Variants in TAMM41 observed in about 807,000 individuals in gnomAD.
TAMM41 encodes the protein phosphatidate cytidylyltransferase, mitochondrial.
A neutral mutation model predicts 44.1 loss-of-function variants in TAMM41; 36 were observed. That is an observed-to-expected ratio of 0.82 (90% CI 0.63 to 1.08). The LOEUF is 1.08. TAMM41 is among the 50% of genes least tolerant of loss of function. The pLI, the probability that TAMM41 is intolerant of heterozygous loss-of-function variation, is 0.00. For missense variants in TAMM41, 417 were observed against 404.3 expected (o/e 1.03, Z -0.27); for synonymous variants, 164 against 153.1 (o/e 1.07, Z -0.53).
At chr3:11,838,380 T>C (rs535140758) in intron 3 of TAMM41, among the ~76,000 whole-genome samples, 2 of 152,124 alleles carry the variant, frequency 1.3e-5, no homozygotes, top group South Asian at 4.2e-4. Context: ...CACGCCCAGG[T>C]ACCTTTTTTG....
intron 2 of TAMM41, among the ~76,000 whole-genome samples, chr3:11,839,844 T>G (rs2079355771): frequency 6.6e-6 from 1 of 152,188 alleles, no homozygotes; most frequent in African/African-American, 2.4e-5. Flanking sequence ...GTCTTACTGC[T>G]CAGGAGACAT....
At chr3:11,808,139 T>C in intron 6 of TAMM41, 1 of 977,940 alleles carries the variant, frequency 1.0e-6, no homozygotes. Flanking sequence ...AACAGCTCTG[T>C]GCCTCTTCCC....
the TAMM41 span, among the ~76,000 whole-genome samples, chr3:11,723,868 A>G: frequency 1.3e-5 from 2 of 152,008 alleles, no homozygotes; most frequent in Non-Finnish European, 2.9e-5. Flanking sequence ...CCAGAAGTGT[A>G]TTTTAAAAAC....
intron 4 of TAMM41, among the ~76,000 whole-genome samples, chr3:11,823,376 T>C (rs1477447707): frequency 1.4e-5 from 2 of 147,256 alleles, no homozygotes; most frequent in African/African-American, 2.5e-5. Flanking sequence ...CTGCCTCAGC[T>C]TCCCAAGTAA....
At chr3:11,755,545 G>A in the TAMM41 span, among the ~76,000 whole-genome samples, 4 of 152,192 alleles carry the variant, frequency 2.6e-5, no homozygotes. Flanking sequence ...ATTCACACGA[G>A]GAGAACTGCT....
chr3:11,730,324 G>T, the TAMM41 span, among the ~76,000 whole-genome samples: 1 of 151,758 alleles, frequency 6.6e-6, no homozygotes, highest in Non-Finnish European at 1.5e-5. Flanking sequence ...TGGAGGCTGA[G>T]GCAGAGAATA....
intron 7 of TAMM41, among the ~76,000 whole-genome samples, chr3:11,802,986 A>G (rs2077796658): frequency 6.6e-6 from 1 of 152,318 alleles, no homozygotes; most frequent in East Asian, 1.9e-4. Context: ...AAAAGCATTC[A>G]ATAGCCTGGG....
the TAMM41 span, among the ~76,000 whole-genome samples, chr3:11,781,701 C>T: frequency 1.3e-5 from 2 of 151,298 alleles, no homozygotes; most frequent in Non-Finnish European, 2.9e-5. Context: ...TACCACTACA[C>T]TCCAGCCTGG....
the TAMM41 span, among the ~76,000 whole-genome samples, chr3:11,762,455 T>A: frequency 6.6e-6 from 1 of 152,140 alleles, no homozygotes; most frequent in Non-Finnish European, 1.5e-5. Context: ...AGTATGCCGA[T>A]GGATGAATAC....
At chr3:11,722,376 AG>A in the TAMM41 span, among the ~76,000 whole-genome samples, 26 of 152,218 alleles carry the variant, frequency 1.7e-4, no homozygotes, top group African/African-American at 5.8e-4. Flanking sequence ...TGTAAGAAAA[AG>A]GGGGGTTGTT....
chr3:11,826,454 G>A (rs376340262), intron 4 of TAMM41, among the ~76,000 whole-genome samples: 3 of 150,780 alleles, frequency 2.0e-5, no homozygotes, highest in Admixed American at 1.3e-4. Context: ...GCTTGGGCCC[G>A]GGAGGTCGAG....
downstream of TAMM41, among the ~76,000 whole-genome samples, chr3:11,786,286 TTTATTATTATTATTA>T (rs60089566): frequency 1.4e-5 from 2 of 138,872 alleles, no homozygotes; most frequent in Non-Finnish European, 3.1e-5. Context: ...TTTATTTAAT[TTTATTATTATTATTA>T]TTATTATTAT....
the TAMM41 span, among the ~76,000 whole-genome samples, chr3:11,781,954 T>C: frequency 2.6e-5 from 4 of 152,236 alleles, no homozygotes; most frequent in Admixed American, 2.0e-4. Flanking sequence ...TCTTCTGATG[T>C]AGCTCATTCT....
At chr3:11,739,554 C>G in the TAMM41 span, among the ~76,000 whole-genome samples, 1 of 151,784 alleles carries the variant, frequency 6.6e-6, no homozygotes, top group African/African-American at 2.4e-5. Flanking sequence ...CTCCGATAAT[C>G]CCAGCTACTC....
intron 5 of TAMM41, among the ~76,000 whole-genome samples, chr3:11,811,912 T>C (rs570475760): frequency 5.9e-5 from 9 of 152,264 alleles, no homozygotes; most frequent in Non-Finnish European, 1.0e-4. Context: ...GAGGTATTCA[T>C]CAATAAAGCT....
intron 6 of TAMM41, 157 bp downstream of exon 6, chr3:11,809,360 A>G (rs2078016589): frequency 3.8e-6 from 3 of 789,194 alleles, no homozygotes; most frequent in Non-Finnish European, 5.9e-6. Flanking sequence ...AAAAATGCAG[A>G]TTTAGAAAAC....
At chr3:11,749,928 T>C in the TAMM41 span, among the ~76,000 whole-genome samples, 6 of 151,364 alleles carry the variant, frequency 4.0e-5, no homozygotes, top group East Asian at 9.7e-4. Flanking sequence ...GACGGAGTCT[T>C]GCTCTGTTGC....
At chr3:11,728,970 T>G in the TAMM41 span, among the ~76,000 whole-genome samples, 1 of 147,310 alleles carries the variant, frequency 6.8e-6, no homozygotes, top group Non-Finnish European at 1.5e-5. Flanking sequence ...ATCGCGCCAT[T>G]GCACTCCAGC....
chr3:11,722,168 C>T, the TAMM41 span, among the ~76,000 whole-genome samples: 2 of 152,114 alleles, frequency 1.3e-5, no homozygotes, highest in Non-Finnish European at 2.9e-5. Flanking sequence ...CTGCTTGGAG[C>T]GAACCTTACT....
Sources: gnomAD v4.1 joint callset for allele counts (sites outside exome capture counted in the v4.1 genomes callset) on GRCh38, gnomAD v4.1.1 for gene constraint, MANE v1.5 for transcripts, NCBI Gene and HGNC (gene_info 2026-07-23, HGNC 2026-07-21) for gene names.